SLC24A4: variants seen among roughly 807,000 people sequenced by gnomAD.
SLC24A4 encodes sodium/potassium/calcium exchanger 4.
In SLC24A4, 53 loss-of-function variants were observed where a neutral mutation model predicts 79.0. The ratio of observed to expected loss-of-function variants is 0.67; its 90% CI spans 0.54 to 0.84. The LOEUF (loss-of-function observed/expected upper bound fraction) is 0.84. Ranked by LOEUF, SLC24A4 falls within the 40% of genes least tolerant of loss-of-function variation. The pLI, the probability that SLC24A4 is intolerant of heterozygous loss-of-function variation, is 0.00. For missense variants in SLC24A4, 731 were observed against 822.0 expected, an observed-to-expected ratio of 0.89 and a Z score of 1.35; for synonymous variants, 323 against 323.8, an observed-to-expected ratio of 1.00 and a Z score of 0.03.
intron 2 of SLC24A4, among the ~76,000 whole-genome samples, chr14:92,383,906 C>T (rs777713404): frequency 3.3e-5 from 5 of 152,224 alleles, no homozygotes; most frequent in Non-Finnish European, 7.3e-5. Flanking sequence ...CCAAGCCATG[C>T]CTGGCTGGAC....
At position 92,326,990 on chromosome 14, in the gene SLC24A4, C is replaced by T. The variant is rs546496455; in HGVS notation, c.241+1012C>T. Among the ~76,000 whole-genome samples, 136 of 152,212 alleles carry T rather than the reference C, an allele frequency of 8.9e-4. 4 individuals carry two copies. In the South Asian group the frequency reaches 0.025, roughly 28 times the overall value. On this transcript the variant is annotated intron_variant, in intron 2 of 16. Coordinates refer to ENST00000532405, the MANE Select transcript of SLC24A4 (RefSeq NM_153646.4). ...GAGCAGGGTTGGATGGCAGTCCCCA[C>T]GTGTTAAATTGTCATACTCTGTGAG...
Position 92,398,634 on chromosome 14 carries a change from T to C in SLC24A4, c.242-35278T>C, listed in dbSNP as rs759033124. 6.6e-6 allele frequency among the ~76,000 whole-genome samples: 1 copy of C among 152,150 alleles called. No individual in the cohort carries two copies. The highest frequency in any genetic ancestry group is 6.5e-5 in the Admixed American group (1 of 15,282). ...GCTGGGACAGGCTCCTTCACATCTG[T>C]CCCACCTGGCATGGCTCAGAACATA... On this transcript the variant is annotated intron_variant, in intron 2 of 16. Coordinates refer to ENST00000532405, the MANE Select transcript of SLC24A4 (RefSeq NM_153646.4). The surrounding 1 kb of genome is among the most constrained non-coding windows in gnomAD (Gnocchi z 4.1).
intron 2 of SLC24A4, among the ~76,000 whole-genome samples, chr14:92,396,987 T>C (rs1394878417): frequency 6.6e-6 from 1 of 152,264 alleles, no homozygotes; most frequent in Non-Finnish European, 1.5e-5. Flanking sequence ...TTCAAAGCAC[T>C]GACAGCATTT....
At chr14:92,478,648 G>GGTTT (rs528151511) in intron 12 of SLC24A4, among the ~76,000 whole-genome samples, 1 of 120,378 alleles carries the variant, frequency 8.3e-6, no homozygotes, top group Non-Finnish European at 1.8e-5. Flanking sequence ...TCCCAGCTTT[G>GGTTT]TTTTGTTTTT....
chr14:92,350,965 A>G (rs1371413365), intron 2 of SLC24A4, among the ~76,000 whole-genome samples: 13 of 152,092 alleles, frequency 8.5e-5, no homozygotes, highest in Non-Finnish European at 4.4e-5. Context: ...CCTTGTGAGG[A>G]TACAGTAAGA....
intron 2 of SLC24A4, among the ~76,000 whole-genome samples, chr14:92,428,281 C>T (rs749626497): frequency 6.6e-6 from 1 of 152,130 alleles, no homozygotes; most frequent in Non-Finnish European, 1.5e-5. Flanking sequence ...CTCTTTTCTG[C>T]CCTCTGAGTC....
At chr14:92,418,491 A>ATG (rs1179906323) in intron 2 of SLC24A4, among the ~76,000 whole-genome samples, 1 of 152,106 alleles carries the variant, frequency 6.6e-6, no homozygotes, top group East Asian at 1.9e-4. Context: ...TCTATCCTAT[A>ATG]TGTGTGTGTG....
At chr14:92,341,863 G>C (rs930598364) in intron 2 of SLC24A4, among the ~76,000 whole-genome samples, 2 of 152,190 alleles carry the variant, frequency 1.3e-5, no homozygotes, top group African/African-American at 4.8e-5. Context: ...ATTCTTCTCT[G>C]GGCCTCAGAG....
At chr14:92,373,378 G>T (rs568025522) in intron 2 of SLC24A4, among the ~76,000 whole-genome samples, 1 of 152,060 alleles carries the variant, frequency 6.6e-6, no homozygotes, top group African/African-American at 2.4e-5. Context: ...TGGAGGCCCC[G>T]GAAGGAGAAT....
At chr14:92,385,854 T>C (rs1438089428) in intron 2 of SLC24A4, among the ~76,000 whole-genome samples, 1 of 152,206 alleles carries the variant, frequency 6.6e-6, no homozygotes, top group African/African-American at 2.4e-5. Context: ...CTTAATGCTC[T>C]TCTTGAATTT....
chr14:92,478,327 G>C (rs188439600), intron 12 of SLC24A4, among the ~76,000 whole-genome samples: 1 of 152,210 alleles, frequency 6.6e-6, no homozygotes, highest in Non-Finnish European at 1.5e-5. Context: ...TATGGTATAA[G>C]ACAGAGCACC....
intron 2 of SLC24A4, among the ~76,000 whole-genome samples, chr14:92,425,812 T>C (rs1891532269): frequency 6.6e-6 from 1 of 152,100 alleles, no homozygotes; most frequent in Admixed American, 6.5e-5. Flanking sequence ...ATACCCAGTC[T>C]CTACCAAAAA....
At position 92,499,594 on chromosome 14, in the gene SLC24A4, T is replaced by C. The variant is rs901504217; in HGVS notation, c.*5966T>C. ...TGGAGTGCAGTGGCTTGATCACAGC[T>C]CACGAAAGCCTCAAACTCCTAGGCT... is the stretch of plus-strand genomic sequence containing the variant. On this transcript the variant is annotated 3_prime_UTR_variant, in exon 17 of 17. Transcript: ENST00000532405. The C allele has an allele frequency of 6.6e-6, 1 of 151,290 alleles. No homozygotes were observed. Among genetic ancestry groups the C allele is most frequent in the African/African-American group, 2.4e-5 (1 of 41,052 alleles). 9.4% of individuals were successfully genotyped at this position (151,290 alleles called of 1,614,324 possible).
intron 2 of SLC24A4, among the ~76,000 whole-genome samples, chr14:92,355,067 C>G (rs1181070097): frequency 1.3e-5 from 2 of 152,158 alleles, no homozygotes; most frequent in African/African-American, 2.4e-5. Context: ...GAGAAAGACT[C>G]TATCTCAACA....
chr14:92,444,607 C>A (rs1016389048), intron 7 of SLC24A4, among the ~76,000 whole-genome samples: 1 of 152,316 alleles, frequency 6.6e-6, no homozygotes, highest in African/African-American at 2.4e-5. Flanking sequence ...GTAATCCTAG[C>A]ACTTTGGAAG....
intron 2 of SLC24A4, among the ~76,000 whole-genome samples, chr14:92,356,888 A>G (rs947808875): frequency 1.3e-5 from 2 of 152,194 alleles, no homozygotes. Flanking sequence ...CCCTCATGGC[A>G]CGTGCAGGAC....
At chr14:92,430,593 G>A (rs544960187) in intron 2 of SLC24A4, among the ~76,000 whole-genome samples, 7 of 152,308 alleles carry the variant, frequency 4.6e-5, no homozygotes, top group African/African-American at 1.7e-4. Flanking sequence ...CGGGAGGGAG[G>A]CAGATGCCTG....
rs1485264072 is a variant in SLC24A4, at chr14:92,475,461, G to A, written c.1256-7219G>A. On this transcript the variant is annotated intron_variant, in intron 12 of 16. Transcript: ENST00000532405. ...GAGGTAGAGATGGTGGATTCAAGTA[G>A]TAAGGCTATGGGTCAACTTGGGTAG... Among the ~76,000 whole-genome samples, 4 of 152,232 alleles carry A rather than the reference G, an allele frequency of 2.6e-5. No homozygotes were observed. In the East Asian group the frequency reaches 7.7e-4, roughly 29 times the overall value.
In SLC24A4 at chr14:92,454,054, G is replaced by T. The variant is rs1204239586; in HGVS notation, c.1035G>T (p.Arg345Ser). ...GPRTRLRMAS[R>S]IIINERQRLI... ...GGACCCGACTACGGATGGCCAGCAGGATCATCATTAATGAGGTGAGTTTGC... is the reference window on the plus strand; with the variant it reads ...GGACCCGACTACGGATGGCCAGCAGTATCATCATTAATGAGGTGAGTTTGC... The change falls in exon 11 of 17, where the codon AGG (arginine) becomes AGT (serine). Residue 345 changes from arginine (R) to serine (S), a missense_variant. Transcript: ENST00000532405. 4 of 1,612,928 alleles carry T rather than the reference G, an allele frequency of 2.5e-6. No individual in the cohort carries two copies. The highest frequency in any genetic ancestry group is 3.4e-6 in the Non-Finnish European group (4 of 1,179,526).
Sources: gnomAD v4.1 joint callset for allele counts (sites outside exome capture counted in the v4.1 genomes callset) on GRCh38, gnomAD v4.1.1 for gene constraint, Gnocchi (gnomAD v3.1) non-coding constraint, MANE v1.5 for transcripts, NCBI Gene and HGNC (gene_info 2026-07-23, HGNC 2026-07-21) for gene names.